GDA: variants seen among roughly 807,000 people sequenced by gnomAD.
GDA encodes the protein guanine deaminase, also known as cytoplasmic PSD-95 interactor.
A neutral mutation model predicts 59.6 loss-of-function variants in GDA; 18 were observed. That is an observed-to-expected ratio of 0.30 (90% CI 0.21 to 0.45). The LOEUF (loss-of-function observed/expected upper bound fraction) is 0.45, where lower values mean the gene tolerates loss of function less well. Ranked by LOEUF, GDA falls within the 20% of genes least tolerant of loss-of-function variation. The probability of loss-of-function intolerance (pLI) is 1.00; values close to 1 mark genes in which losing one functional copy is unlikely to be tolerated. For missense variants in GDA, 427 were observed against 552.3 expected (o/e 0.77, Z 2.27); for synonymous variants, 201 against 201.1 (o/e 1.00, Z 0.00).
intron 12 of GDA, among the ~76,000 whole-genome samples, chr9:72,246,691 T>C (rs1361195866): frequency 6.6e-6 from 1 of 152,008 alleles, no homozygotes; most frequent in East Asian, 1.9e-4. Flanking sequence ...AGGGCACCCC[T>C]TACGTGATGG....
intron 1 of GDA, among the ~76,000 whole-genome samples, chr9:72,134,880 A>ACT (rs1224492820): frequency 2.0e-5 from 3 of 152,372 alleles, no homozygotes; most frequent in Non-Finnish European, 4.4e-5. Flanking sequence ...AACTGTTAGT[A>ACT]CAGAGCTGAC....
rs1434639942 is a variant in GDA at position 72,174,759 on chromosome 9, T to TAGAG, written c.124-20740_124-20739insGAGA. ...ACTGTTGAGGTTATATATATATATATATAGAGAGAGAGAGAGAGAGACAGA... is the reference window on the plus strand; with the variant it reads ...ACTGTTGAGGTTATATATATATATATAGAGATAGAGAGAGAGAGAGAGAGACAGA... On this transcript the variant is annotated intron_variant, in intron 1 of 13. Coordinates refer to ENST00000358399, the MANE Select transcript of GDA (RefSeq NM_004293.5). Among the ~76,000 whole-genome samples, 25 of 149,392 alleles carry TAGAG rather than the reference T, an allele frequency of 1.7e-4. 1 individual carries two copies. Among genetic ancestry groups the TAGAG allele is most frequent in the African/African-American group, 5.8e-4 (23 of 39,782 alleles).
intron 4 of GDA, among the ~76,000 whole-genome samples, chr9:72,213,228 A>C (rs1380147298): frequency 1.1e-4 from 17 of 152,180 alleles, no homozygotes; most frequent in Non-Finnish European, 1.5e-5. Flanking sequence ...AGATCACGCC[A>C]CTGCACTCCA....
chr9:72,240,390 A>G (rs904055780), intron 10 of GDA, among the ~76,000 whole-genome samples: 16 of 152,230 alleles, frequency 1.1e-4, no homozygotes, highest in South Asian at 2.1e-4. Flanking sequence ...TATCTAAATT[A>G]TCTTTATAAC....
In GDA at chr9:72,238,946, G is replaced by T. The variant is rs113578290; in HGVS notation, c.989-2206G>T. On this transcript the variant is annotated intron_variant, in intron 10 of 13. Transcript: ENST00000358399. ...ACAGGTCCTAAGTAACTGATCAAAGGTCCGCAAAGCAAAAAGTTCCATGCG... is the reference window on the plus strand; with the variant it reads ...ACAGGTCCTAAGTAACTGATCAAAGTTCCGCAAAGCAAAAAGTTCCATGCG... 5.5e-3 allele frequency among the ~76,000 whole-genome samples: 833 copies of T among 152,232 alleles called. 4 individuals carry two copies. Among genetic ancestry groups the T allele is most frequent in the Non-Finnish European group, 8.7e-3 (589 of 68,010 alleles).
intron 4 of GDA, 126 bp from the exon 5 acceptor site, chr9:72,213,760 G>A (rs994715019): frequency 9.9e-5 from 53 of 535,358 alleles, no homozygotes; most frequent in African/African-American, 1.4e-4. Context: ...CCGAGATTGC[G>A]CCACTGCAAT....
chr9:72,213,273 AAAAC>A (rs1394974717), intron 4 of GDA, among the ~76,000 whole-genome samples: 2 of 152,228 alleles, frequency 1.3e-5, no homozygotes, highest in South Asian at 2.1e-4. Flanking sequence ...TCTCAAAAAC[AAAAC>A]AAACAAACAA....
At chr9:72,191,995 G>A (rs1832611113) in intron 1 of GDA, among the ~76,000 whole-genome samples, 1 of 151,976 alleles carries the variant, frequency 6.6e-6, no homozygotes, top group South Asian at 2.1e-4. Flanking sequence ...AGTGTGCTTG[G>A]TATTCTGTTA....
chr9:72,166,074 C>T (rs1295478947), intron 1 of GDA, among the ~76,000 whole-genome samples: 1 of 152,136 alleles, frequency 6.6e-6, no homozygotes, highest in Non-Finnish European at 1.5e-5. Flanking sequence ...AGGTGACTCA[C>T]ATACAACCTT....
intron 3 of GDA, among the ~76,000 whole-genome samples, chr9:72,207,241 CTCTCTT>C (rs1834835706): frequency 6.6e-6 from 1 of 151,870 alleles, no homozygotes; most frequent in African/African-American, 2.4e-5. Flanking sequence ...TTCTCTTTCT[CTCTCTT>C]TCTGAGTATA....
chr9:72,221,184 AACCAGCACACCTGG>A lies in GDA; in HGVS notation c.606+1681_606+1694del, dbSNP rs1284954503. Among the ~76,000 whole-genome samples, 3 of 152,198 alleles carry A rather than the reference AACCAGCACACCTGG, an allele frequency of 2.0e-5. No homozygotes were observed. In the East Asian group the frequency reaches 5.8e-4, roughly 29 times the overall value. ...ACTGAATAGTGCTCAGGAAGGCTGT[AACCAGCACACCTGG>A]ACAAGATGTATTCCCAAAATGGAAT... is the stretch of plus-strand genomic sequence containing the variant. On this transcript the variant is annotated intron_variant, in intron 6 of 13. Coordinates refer to ENST00000358399, the MANE Select transcript of GDA (RefSeq NM_004293.5).
chr9:72,202,267 T>C (rs1197555577), intron 2 of GDA, among the ~76,000 whole-genome samples: 1 of 152,102 alleles, frequency 6.6e-6, no homozygotes, highest in Non-Finnish European at 1.5e-5. Flanking sequence ...TAAATCAGAG[T>C]TCCCGTCCTT....
At chr9:72,133,939 G>C (rs1235528999) in intron 1 of GDA, among the ~76,000 whole-genome samples, 1 of 152,180 alleles carries the variant, frequency 6.6e-6, no homozygotes, top group Admixed American at 6.5e-5. Flanking sequence ...CCAAGGTTTA[G>C]CAATCTGATC....
chr9:72,161,754 C>T (rs1421056452), intron 1 of GDA, among the ~76,000 whole-genome samples: 4 of 152,186 alleles, frequency 2.6e-5, no homozygotes, highest in African/African-American at 4.8e-5. Context: ...GTAGACCCTC[C>T]ATAAGCAATA....
At chr9:72,196,707 G>A (rs924799932) in intron 2 of GDA, among the ~76,000 whole-genome samples, 1 of 151,994 alleles carries the variant, frequency 6.6e-6, no homozygotes, top group Non-Finnish European at 1.5e-5. Context: ...AGCCCCACAT[G>A]CATTAGATAT....
intron 1 of GDA, among the ~76,000 whole-genome samples, chr9:72,115,935 A>G (rs940874458): frequency 1.1e-4 from 17 of 152,226 alleles, no homozygotes; most frequent in African/African-American, 3.9e-4. Context: ...CATAATAGTA[A>G]GAGACAATAA....
chr9:72,119,936 C>T (rs1392158199), intron 1 of GDA, among the ~76,000 whole-genome samples: 1 of 152,118 alleles, frequency 6.6e-6, no homozygotes, highest in Non-Finnish European at 1.5e-5. Context: ...AGTCACATTT[C>T]TGTGTAAATT....
At chr9:72,232,065 G>A (rs1415606789) in intron 10 of GDA, among the ~76,000 whole-genome samples, 4 of 152,180 alleles carry the variant, frequency 2.6e-5, no homozygotes, top group Admixed American at 1.3e-4. Context: ...GTGTGCAAGC[G>A]TTGCTTGCTT....
chr9:72,231,876 G>T (rs752461522), intron 10 of GDA, among the ~76,000 whole-genome samples: 1 of 152,192 alleles, frequency 6.6e-6, no homozygotes, highest in Non-Finnish European at 1.5e-5. Context: ...TTGAGAATTC[G>T]GATGTATGTT....
Sources: allele counts gnomAD v4.1 joint callset (sites outside exome capture counted in the v4.1 genomes callset), GRCh38; gene constraint gnomAD v4.1.1; transcripts MANE v1.5; gene names NCBI Gene and HGNC (gene_info 2026-07-23, HGNC 2026-07-21).